Variants in PTPRD observed in about 807,000 individuals in gnomAD.
The protein encoded by PTPRD is receptor-type tyrosine-protein phosphatase delta.
A neutral mutation model predicts 214.5 loss-of-function variants in PTPRD; 34 were observed. The ratio of observed to expected loss-of-function variants is 0.16; its 90% CI spans 0.12 to 0.21. The LOEUF is 0.21. PTPRD is among the 10% of genes least tolerant of loss of function. The probability of loss-of-function intolerance (pLI) is 1.00; values close to 1 mark genes in which losing one functional copy is unlikely to be tolerated. For missense variants in PTPRD, 2,545 were observed against 2,398.7 expected (o/e 1.06, Z -1.27); for synonymous variants, 1,128 against 845.7 (o/e 1.33, Z -5.79).
chr9:9,331,141 G>A (rs773647406), intron 9 of PTPRD, among the ~76,000 whole-genome samples: 4 of 151,854 alleles, frequency 2.6e-5, no homozygotes, highest in Admixed American at 6.6e-5. Flanking sequence ...TTCATGTCTC[G>A]GATTGCCATG....
intron 8 of PTPRD, among the ~76,000 whole-genome samples, chr9:9,407,204 G>A (rs570397595): frequency 4.9e-4 from 75 of 151,590 alleles, no homozygotes; most frequent in Non-Finnish European, 9.3e-4. Context: ...TCTGTTTTTG[G>A]TGTCTGGCTT....
At chr9:9,710,473 A>C (rs1043951346) in intron 7 of PTPRD, among the ~76,000 whole-genome samples, 11 of 152,210 alleles carry the variant, frequency 7.2e-5, no homozygotes, top group Middle Eastern at 3.4e-3. Context: ...AAAAACAGAA[A>C]TTTTAATGGT....
At chr9:9,933,523 G>C (rs1185128183) in intron 5 of PTPRD, among the ~76,000 whole-genome samples, 1 of 151,778 alleles carries the variant, frequency 6.6e-6, no homozygotes, top group Admixed American at 6.5e-5. Flanking sequence ...AACAAGAAGA[G>C]CTAACTATCC....
intron 11 of PTPRD, among the ~76,000 whole-genome samples, chr9:8,870,443 A>C (rs1293140073): frequency 3.3e-5 from 5 of 151,852 alleles, no homozygotes; most frequent in African/African-American, 7.3e-5. Flanking sequence ...GGGGGAAAAA[A>C]CCCTCAAAAT....
chr9:10,442,436 T>C (rs1471472018), intron 2 of PTPRD, among the ~76,000 whole-genome samples: 2 of 151,552 alleles, frequency 1.3e-5, no homozygotes, highest in African/African-American at 4.8e-5. Context: ...CCTATAAGAA[T>C]AAGTTTGATC....
chr9:8,332,354 A>G (rs1474004773), intron 43 of PTPRD, among the ~76,000 whole-genome samples: 1 of 152,064 alleles, frequency 6.6e-6, no homozygotes, highest in Admixed American at 6.6e-5. Flanking sequence ...GAGGAATACC[A>G]TTTCTAGCCA....
At chr9:9,231,340 T>C (rs1336678411) in intron 9 of PTPRD, among the ~76,000 whole-genome samples, 1 of 152,154 alleles carries the variant, frequency 6.6e-6, no homozygotes, top group Non-Finnish European at 1.5e-5. Flanking sequence ...AGAAATACAA[T>C]ACTCTCTTGC....
chr9:9,398,797 T>C (rs2068946694), intron 8 of PTPRD, among the ~76,000 whole-genome samples: 1 of 152,130 alleles, frequency 6.6e-6, no homozygotes, highest in African/African-American at 2.4e-5. Context: ...GTGATAGATT[T>C]GCTTTGGCCT....
intron 39 of PTPRD, among the ~76,000 whole-genome samples, chr9:8,358,484 C>T (rs909310185): frequency 9.2e-5 from 14 of 152,150 alleles, no homozygotes; most frequent in Admixed American, 4.6e-4. Flanking sequence ...AACTCTGGCT[C>T]TTCCACCTGC....
chr9:9,178,117 C>T (rs1015004764), intron 10 of PTPRD, among the ~76,000 whole-genome samples: 9 of 151,960 alleles, frequency 5.9e-5, no homozygotes, highest in East Asian at 1.9e-4. Context: ...GAAGACTTTT[C>T]TTGTAAATAC....
intron 9 of PTPRD, among the ~76,000 whole-genome samples, chr9:9,197,207 T>C (rs2099939089): frequency 6.6e-6 from 1 of 152,134 alleles, no homozygotes; most frequent in Non-Finnish European, 1.5e-5. Flanking sequence ...CACACTTCCT[T>C]ACACTTTCCC....
At chr9:8,766,414 A>C (rs1441998639) in intron 11 of PTPRD, among the ~76,000 whole-genome samples, 1 of 152,148 alleles carries the variant, frequency 6.6e-6, no homozygotes, top group Non-Finnish European at 1.5e-5. Context: ...TCAGGTCCCC[A>C]ATTTGCACCC....
Position 10,151,118 on chromosome 9 carries a change from T to C in PTPRD, c.-544-117328A>G, listed in dbSNP as rs2099057888. ...GCTCTGTTACCAGGCTGGAGTACAG[T>C]GGTGCGATCTCGGCTCACTGTAACA... On this transcript the variant is annotated intron_variant, in intron 3 of 45. Transcript: ENST00000381196. Among the ~76,000 whole-genome samples, 5 of 145,974 alleles carry C rather than the reference T, an allele frequency of 3.4e-5. No individual in the cohort carries two copies. In the South Asian group the frequency reaches 1.1e-3, roughly 32 times the overall value.
At chr9:8,529,257 G>A (rs2075053381) in intron 14 of PTPRD, among the ~76,000 whole-genome samples, 1 of 152,082 alleles carries the variant, frequency 6.6e-6, no homozygotes, top group Non-Finnish European at 1.5e-5. Context: ...TGCCAGCTTG[G>A]AGAGTACTTG....
intron 3 of PTPRD, among the ~76,000 whole-genome samples, chr9:10,063,222 T>A (rs572874051): frequency 7.9e-5 from 12 of 152,200 alleles, no homozygotes; most frequent in African/African-American, 2.6e-4. Flanking sequence ...CTGTTCCACT[T>A]CTGTCAACGT....
chr9:9,663,865 T>A (rs950158508), intron 7 of PTPRD, among the ~76,000 whole-genome samples: 3 of 151,540 alleles, frequency 2.0e-5, no homozygotes, highest in African/African-American at 7.2e-5. Context: ...AAGTTGTATG[T>A]GAAAAATTAA....
chr9:10,304,958 C>T (rs145567697), intron 3 of PTPRD, among the ~76,000 whole-genome samples: 1 of 152,132 alleles, frequency 6.6e-6, no homozygotes, highest in Non-Finnish European at 1.5e-5. Context: ...CGAGACAATC[C>T]TAAGCAAAGA....
intron 2 of PTPRD, among the ~76,000 whole-genome samples, chr9:10,593,355 G>A (rs897542532): frequency 6.6e-6 from 1 of 152,120 alleles, no homozygotes; most frequent in East Asian, 1.9e-4. Context: ...ACATGTAAGA[G>A]TGATTACTCA....
chr9:9,353,569 A>G (rs1729093837), intron 9 of PTPRD, among the ~76,000 whole-genome samples: 1 of 151,624 alleles, frequency 6.6e-6, no homozygotes, highest in African/African-American at 2.4e-5. Context: ...TCTTTTTTCT[A>G]TTCACTTTAC....
Sources: allele counts gnomAD v4.1 joint callset (sites outside exome capture counted in the v4.1 genomes callset), GRCh38; gene constraint gnomAD v4.1.1; transcripts MANE v1.5; gene names NCBI Gene and HGNC (gene_info 2026-07-23, HGNC 2026-07-21).